The following TNFSF11 variants were observed in gnomAD, a reference collection of about 807,000 sequenced individuals.
The protein encoded by TNFSF11 is TNF superfamily member 11.
In TNFSF11, 12 loss-of-function variants were observed where a neutral mutation model predicts 32.2. The observed-to-expected ratio is 0.37, with a 90% CI of 0.24 to 0.60. TNFSF11 has a LOEUF of 0.60. Ranked by LOEUF, TNFSF11 falls within the 20% of genes least tolerant of loss-of-function variation. The pLI is 0.66. For missense variants in TNFSF11, 345 were observed against 398.0 expected, an observed-to-expected ratio of 0.87 and a Z score of 1.13; for synonymous variants, 172 against 152.1, an observed-to-expected ratio of 1.13 and a Z score of -0.96.
At chr13:42,593,515 A>G (rs1476718621) in intron 2 of TNFSF11, among the ~76,000 whole-genome samples, 3 of 152,156 alleles carry the variant, frequency 2.0e-5, no homozygotes, top group African/African-American at 7.2e-5. Context: ...AGTGGTACCC[A>G]GGTTGGAGAG....
At chr13:42,588,477 C>T (rs1423265244) in intron 2 of TNFSF11, among the ~76,000 whole-genome samples, 1 of 152,178 alleles carries the variant, frequency 6.6e-6, no homozygotes, top group East Asian at 1.9e-4. Flanking sequence ...ATTATGTGGC[C>T]TGGGATCTTG....
chr13:42,594,922 TTA>T (rs1491518068), intron 2 of TNFSF11, among the ~76,000 whole-genome samples: 1 of 151,364 alleles, frequency 6.6e-6, no homozygotes, highest in Non-Finnish European at 1.5e-5. Flanking sequence ...CAGCATTTTT[TTA>T]TGAGTTAAAT....
At position 42,606,782 on chromosome 13, in the gene TNFSF11, A is replaced by G; in HGVS notation, c.818A>G (p.Tyr273Cys). Residue 273 changes from tyrosine to cysteine, a missense_variant, in exon 5 of 5, where the codon TAT becomes TGT. Tyr to Cys is a radical substitution (Grantham distance 194). Around this residue, in one of 2 missense-constraint regions of TNFSF11, gnomAD observed 148 missense variants for 216.0 expected, o/e 0.69. Coordinates refer to ENST00000398795, the MANE Select transcript of TNFSF11 (RefSeq NM_003701.4). ...TCAGGGAATTCTGAATTCCATTTTT[A>G]TTCCATAAACGTTGGTGGATTTTTT... ...YWSGNSEFHF[Y>C]SINVGGFFKL... 1 of 1,613,924 alleles carries G rather than the reference A, an allele frequency of 6.2e-7. No individual in the cohort carries two copies. The highest frequency in any genetic ancestry group is 8.5e-7 in the Non-Finnish European group (1 of 1,179,874).
intron 2 of TNFSF11, among the ~76,000 whole-genome samples, chr13:42,584,808 T>C (rs1873803770): frequency 6.6e-6 from 1 of 152,242 alleles, no homozygotes; most frequent in African/African-American, 2.4e-5. Flanking sequence ...CAATTTCACA[T>C]TTGCTTTTGT....
intron 2 of TNFSF11, among the ~76,000 whole-genome samples, chr13:42,592,310 G>A (rs1868528783): frequency 6.6e-6 from 1 of 152,156 alleles, no homozygotes; most frequent in Non-Finnish European, 1.5e-5. Flanking sequence ...CTACAAATCG[G>A]GGGTTCCCAT....
rs753490049 is a variant in TNFSF11 at position 42,581,216 on chromosome 13, C to A, written c.310C>A (p.Leu104Met). 1 of 1,613,934 alleles carries A rather than the reference C, an allele frequency of 6.2e-7. No homozygotes were observed. ...AAATGCAGATTTTCAAGACACAACT[C>A]TGGAGAGTCAAGATACAAAATTAAT... is the stretch of plus-strand genomic sequence containing the variant. ...HENADFQDTT[L>M]ESQDTKLIPD... is the part of the protein sequence containing the mutation. Residue 104 changes from leucine to methionine, a missense_variant, in exon 2 of 5, where the codon CTG (leucine) becomes ATG (methionine). Around this residue, in one of 2 missense-constraint regions of TNFSF11, gnomAD observed 197 missense variants for 182.0 expected, o/e 1.08. Coordinates refer to ENST00000398795, the MANE Select transcript of TNFSF11 (RefSeq NM_003701.4).
intron 1 of TNFSF11, among the ~76,000 whole-genome samples, chr13:42,576,122 A>G (rs763338208): frequency 5.3e-5 from 8 of 152,264 alleles, no homozygotes; most frequent in Non-Finnish European, 1.0e-4. Flanking sequence ...TCAAAGATGC[A>G]GTAGTTCTCC....
At chr13:42,594,106 G>A (rs2137891366) in intron 2 of TNFSF11, among the ~76,000 whole-genome samples, 1 of 151,998 alleles carries the variant, frequency 6.6e-6, no homozygotes, top group East Asian at 1.9e-4. Flanking sequence ...TTGAGATGGA[G>A]TCTCATTCTG....
At chr13:42,579,453 AAAT>A (rs1229485462) in intron 1 of TNFSF11, among the ~76,000 whole-genome samples, 1 of 151,728 alleles carries the variant, frequency 6.6e-6, no homozygotes, top group Non-Finnish European at 1.5e-5. Context: ...AGAGAAAGAA[AAAT>A]AATAAAGGGG....
intron 4 of TNFSF11, among the ~76,000 whole-genome samples, chr13:42,604,479 T>C (rs554166549): frequency 6.6e-6 from 1 of 152,190 alleles, no homozygotes; most frequent in Non-Finnish European, 1.5e-5. Context: ...TCAGGAAATA[T>C]CCTGTTTCTG....
upstream of TNFSF11, among the ~76,000 whole-genome samples, chr13:42,573,086 G>T (rs1015003786): frequency 6.6e-6 from 1 of 151,502 alleles, no homozygotes; most frequent in Non-Finnish European, 1.5e-5. Flanking sequence ...TAAATGCTAT[G>T]TAACTAGTTG....
upstream of TNFSF11, among the ~76,000 whole-genome samples, chr13:42,570,512 C>G (rs1338710408): frequency 6.6e-6 from 1 of 152,174 alleles, no homozygotes; most frequent in African/African-American, 2.4e-5. Context: ...AACTTTGAAT[C>G]TTCAAATATG....
At chr13:42,575,472 T>C (rs1873265466) in intron 1 of TNFSF11, among the ~76,000 whole-genome samples, 2 of 152,172 alleles carry the variant, frequency 1.3e-5, no homozygotes, top group South Asian at 4.1e-4. Context: ...GGGGGCTGAC[T>C]GTGCATTTTT....
intron 2 of TNFSF11, among the ~76,000 whole-genome samples, chr13:42,586,547 AG>A (rs1873910053): frequency 6.6e-6 from 1 of 152,160 alleles, no homozygotes; most frequent in Non-Finnish European, 1.5e-5. Context: ...CATTTTCATC[AG>A]GCTTCTTTGT....
upstream of TNFSF11, among the ~76,000 whole-genome samples, chr13:42,571,040 C>T (rs1873047517): frequency 6.6e-6 from 1 of 152,012 alleles, no homozygotes; most frequent in Non-Finnish European, 1.5e-5. Context: ...CCATCTTGAT[C>T]ACCATGTTTC....
chr13:42,563,200 A>T (rs1184582711), intron 1 of TNFSF11, among the ~76,000 whole-genome samples: 2 of 152,174 alleles, frequency 1.3e-5, no homozygotes, highest in Non-Finnish European at 2.9e-5. Flanking sequence ...TCCCCTTCCC[A>T]TGGTAAAGTT....
At chr13:42,575,623 A>G (rs547267292) in intron 1 of TNFSF11, among the ~76,000 whole-genome samples, 37 of 152,294 alleles carry the variant, frequency 2.4e-4, no homozygotes, top group Admixed American at 8.5e-4. Context: ...CTCGAACTCC[A>G]TTACTTTTAA....
intron 2 of TNFSF11, among the ~76,000 whole-genome samples, chr13:42,586,710 T>C (rs549739749): frequency 3.9e-5 from 6 of 152,236 alleles, no homozygotes; most frequent in South Asian, 2.1e-4. Flanking sequence ...GCTGATAAGT[T>C]ATCTTGTTGT....
intron 2 of TNFSF11, among the ~76,000 whole-genome samples, chr13:42,585,464 G>C (rs1020406554): frequency 2.0e-5 from 3 of 152,084 alleles, no homozygotes; most frequent in African/African-American, 4.8e-5. Flanking sequence ...TTGTGGCTGG[G>C]TTTTCTTGGC....
Sources: gnomAD v4.1 joint callset for allele counts (sites outside exome capture counted in the v4.1 genomes callset) on GRCh38, gnomAD v4.1.1 for gene constraint, gnomAD v4.1.1 regional missense constraint, MANE v1.5 for transcripts, NCBI Gene and HGNC (gene_info 2026-07-23, HGNC 2026-07-21) for gene names.